Variants in SETD2 observed in about 807,000 individuals in gnomAD.
The protein encoded by SETD2 is SET domain containing 2, histone lysine methyltransferase.
A neutral mutation model predicts 242.1 loss-of-function variants in SETD2; 31 were observed. That is an observed-to-expected ratio of 0.13 (90% confidence interval 0.10 to 0.17). SETD2 has a LOEUF of 0.17. SETD2 is among the 10% of genes least tolerant of loss of function. The pLI is 1.00. For synonymous variants in SETD2, 1,006 were observed against 1,066.5 expected (o/e 0.94, Z 1.11); for missense variants, 2,481 against 3,046.3 (o/e 0.81, Z 4.37).
chr3:47,060,795 G>A (rs2040297907), intron 14 of SETD2, among the ~76,000 whole-genome samples: 1 of 151,840 alleles, frequency 6.6e-6, no homozygotes, highest in Non-Finnish European at 1.5e-5. Flanking sequence ...TACAAAAAGT[G>A]TCAAAATACA....
At chr3:47,053,225 T>C (rs960382830) in intron 15 of SETD2, among the ~76,000 whole-genome samples, 2 of 152,178 alleles carry the variant, frequency 1.3e-5, no homozygotes, top group African/African-American at 4.8e-5. Context: ...AGAAGAAATG[T>C]GAGAAGGTCC....
chr3:47,103,567 G>A (rs2042296409), intron 6 of SETD2, 144 bp from the exon 7 acceptor site: 1 of 579,622 alleles, frequency 1.7e-6, no homozygotes, highest in Non-Finnish European at 3.0e-6. Flanking sequence ...AGGGCAGTGA[G>A]GCCTCCTGAC....
chr3:47,049,526 C>T (rs2107556929), intron 15 of SETD2, among the ~76,000 whole-genome samples: 1 of 147,192 alleles, frequency 6.8e-6, no homozygotes, highest in African/African-American at 2.5e-5. Context: ...GTGCCCACCA[C>T]CACACCTGGC....
Position 47,056,857 on chromosome 3 carries a change from T to C in SETD2, c.6927A>G (p.Thr2309=). Residue 2309 remains threonine (T), a synonymous_variant, in exon 15 of 21, where the codon ACA becomes ACG. Coordinates refer to ENST00000409792, the MANE Select transcript of SETD2 (RefSeq NM_014159.7). The part of the protein sequence containing the change: ...GQTCPTVYGV[T]SPYSQTTPPI... ...GTGGAGTTGTCTGTGAATAAGGTGA[T>C]GTCACACCATAGACTGTTGGACATG... 6.2e-7 allele frequency: 1 copy of C among 1,614,174 alleles called. No homozygotes were observed. The highest frequency in any genetic ancestry group is 2.2e-5 in the East Asian group (1 of 44,880).
At chr3:47,022,193 TCACACACACACACACACACACA>T (rs55972218) in intron 18 of SETD2, among the ~76,000 whole-genome samples, 3 of 130,948 alleles carry the variant, frequency 2.3e-5, no homozygotes, top group Non-Finnish European at 3.2e-5. Context: ...CAACAATCTG[TCACACACACACACACACACACA>T]CACACACACA....
rs765371082 is a variant in SETD2, at chr3:47,122,887, T to C, written c.1749A>G (p.Lys583=). 1.9e-6 allele frequency: 3 copies of C among 1,610,222 alleles called. No homozygotes were observed. Among genetic ancestry groups the C allele is most frequent in the East Asian group, 4.5e-5 (2 of 44,844 alleles). ...TCTGTAAACTAAAAGAATGAGACTG[T>C]TTGATTTCTTCATTTAATTCTGTAC... ...FCCTELNEEI[K]QSHSFSLQTP... Residue 583 remains lysine (K), a synonymous_variant, in exon 3 of 21, where the codon AAA becomes AAG. Coordinates refer to ENST00000409792, the MANE Select transcript of SETD2 (RefSeq NM_014159.7).
chr3:47,151,551 C>T (rs759967306), intron 1 of SETD2, among the ~76,000 whole-genome samples: 4 of 151,984 alleles, frequency 2.6e-5, no homozygotes, highest in South Asian at 4.1e-4. Context: ...GAGCATGCCG[C>T]GTACAGTGGC....
chr3:47,023,161 G>A (rs1261130815), intron 18 of SETD2, among the ~76,000 whole-genome samples: 1 of 152,176 alleles, frequency 6.6e-6, no homozygotes, highest in African/African-American at 2.4e-5. Context: ...AGCACTTTGG[G>A]AGGCTGAGGC....
At chr3:47,043,301 A>G (rs1441836926) in intron 16 of SETD2, among the ~76,000 whole-genome samples, 4 of 152,222 alleles carry the variant, frequency 2.6e-5, no homozygotes, top group Non-Finnish European at 4.4e-5. Context: ...TGAAGTCAAA[A>G]GAGTGAGGAC....
chr3:47,075,350 G>A (rs1575732103), intron 12 of SETD2, among the ~76,000 whole-genome samples: 2 of 151,424 alleles, frequency 1.3e-5, no homozygotes, highest in African/African-American at 4.8e-5. Context: ...ACCTGAGGTC[G>A]GGAGTTCGAG....
At chr3:47,107,443 G>A (rs976544110) in intron 5 of SETD2, among the ~76,000 whole-genome samples, 8 of 151,578 alleles carry the variant, frequency 5.3e-5, no homozygotes, top group East Asian at 1.9e-4. Context: ...AACAGGATTG[G>A]AGAAGTTTAT....
Position 47,049,965 on chromosome 3 carries a change from T to A in SETD2, c.6964-3344A>T, listed in dbSNP as rs1559665037. 2.0e-5 allele frequency among the ~76,000 whole-genome samples: 3 copies of A among 146,958 alleles called. No homozygotes were observed. The East Asian group carries it at 5.9e-4, about 29-fold the overall frequency. Reference sequence around the variant, plus strand: ...ATAAGTTTATATATTTGTACATATATTTATATGTTTTTCTTATATATATAA... The same window carrying A: ...ATAAGTTTATATATTTGTACATATAATTATATGTTTTTCTTATATATATAA... On this transcript the variant is annotated intron_variant, in intron 15 of 20. Transcript: ENST00000409792.
intron 11 of SETD2, among the ~76,000 whole-genome samples, chr3:47,084,966 G>GA (rs2041490886): frequency 6.7e-6 from 1 of 149,550 alleles, no homozygotes; most frequent in East Asian, 2.0e-4. Flanking sequence ...CCTGACCTTA[G>GA]GTGATCCACC....
chr3:47,106,951 G>A (rs551018112), intron 5 of SETD2, among the ~76,000 whole-genome samples: 232 of 152,084 alleles, frequency 1.5e-3, no homozygotes, highest in Non-Finnish European at 2.5e-3. Context: ...TCTCTTTGAC[G>A]TCTCTTTAGA....
chr3:47,120,315 C>T lies in SETD2; in HGVS notation c.4321G>A (p.Gly1441Ser), dbSNP rs751386762. The T allele has an allele frequency of 1.2e-6, 2 of 1,613,826 alleles. No homozygotes were observed. Among genetic ancestry groups the T allele is most frequent in the African/African-American group, 1.3e-5 (1 of 74,902 alleles). ...CAGGAGGGCCCAACCAGTGCTGAACCTGGGGGCACTGATGTCTCTCCCTGC... is the reference window on the plus strand; with the variant it reads ...CAGGAGGGCCCAACCAGTGCTGAACTTGGGGGCACTGATGTCTCTCCCTGC... ...VEQGETSVPP[G>S]SALVGPSCVM... is the part of the protein sequence containing the mutation. The change falls in exon 3 of 21, where the codon GGT becomes AGT. Residue 1441 changes from glycine (G) to serine (S), a missense_variant. By Grantham distance (56) the Gly-to-Ser change is moderately conservative. Coordinates refer to ENST00000409792, the MANE Select transcript of SETD2 (RefSeq NM_014159.7).
chr3:47,062,730 A>C (rs1166203501), intron 13 of SETD2, among the ~76,000 whole-genome samples: 1 of 152,230 alleles, frequency 6.6e-6, no homozygotes, highest in Non-Finnish European at 1.5e-5. Context: ...CTTCATATTT[A>C]TAATCTATAG....
intron 16 of SETD2, among the ~76,000 whole-genome samples, chr3:47,043,129 C>T (rs2039362328): frequency 6.6e-6 from 1 of 151,490 alleles, no homozygotes; most frequent in Admixed American, 6.6e-5. Context: ...GTACTTGAAA[C>T]CTCAAAACTA....
chr3:47,056,986 C>T lies in SETD2; in HGVS notation c.6798G>A (p.Gln2266=). The T allele has an allele frequency of 6.2e-7, 1 of 1,614,246 alleles. No homozygotes were observed. The highest frequency in any genetic ancestry group is 8.5e-7 in the Non-Finnish European group (1 of 1,180,054). ...VLPVPAPGPV[Q]GQNYSVWDSN... ...AATCCCAAACACTATAATTCTGTCCCTGAACTGGGCCGGGGGCCGGCACTG... is the reference window on the plus strand; with the variant it reads ...AATCCCAAACACTATAATTCTGTCCTTGAACTGGGCCGGGGGCCGGCACTG... The change falls in exon 15 of 21, where the codon CAG becomes CAA. Residue 2266 remains glutamine, a synonymous_variant. Coordinates refer to ENST00000409792, the MANE Select transcript of SETD2 (RefSeq NM_014159.7).
At chr3:47,060,561 G>A (rs888166310) in intron 14 of SETD2, among the ~76,000 whole-genome samples, 1 of 152,052 alleles carries the variant, frequency 6.6e-6, no homozygotes, top group Non-Finnish European at 1.5e-5. Context: ...TCAAGTAAAT[G>A]GTGCTGGGAC....
Sources: allele counts gnomAD v4.1 joint callset (sites outside exome capture counted in the v4.1 genomes callset), GRCh38; gene constraint gnomAD v4.1.1; transcripts MANE v1.5; gene names NCBI Gene and HGNC (gene_info 2026-07-23, HGNC 2026-07-21).